The following LMTK2 variants were observed in gnomAD, a reference collection of about 807,000 sequenced individuals.
LMTK2 encodes serine/threonine-protein kinase LMTK2.
A neutral mutation model predicts 127.5 loss-of-function variants in LMTK2; 37 were observed. The observed-to-expected ratio is 0.29, with a 90% CI of 0.22 to 0.38. LMTK2 has a LOEUF of 0.38. Among genes scored for constraint, LMTK2 ranks in the 10% least tolerant of loss-of-function variants. The pLI is 1.00. For missense variants in LMTK2, 1,694 were observed against 1,920.3 expected (o/e 0.88, Z 2.20); for synonymous variants, 819 against 810.1 (o/e 1.01, Z -0.19).
intron 7 of LMTK2, among the ~76,000 whole-genome samples, chr7:98,174,558 G>C (rs568121462): frequency 7.6e-4 from 116 of 152,310 alleles, no homozygotes; most frequent in African/African-American, 2.5e-3. Flanking sequence ...CAGCCTGTCC[G>C]TGAGATGCCA....
At position 98,140,144 on chromosome 7, in the gene LMTK2, T is replaced by TTCG. The variant is rs1562902725; in HGVS notation, c.232-1252_232-1251insCGT. Among the ~76,000 whole-genome samples the TTCG allele has an allele frequency of 3.2e-3, 195 of 60,668 alleles. 25 individuals carry two copies. Among genetic ancestry groups the TTCG allele is most frequent in the East Asian group, 0.019 (15 of 798 alleles). 39.8% of individuals were successfully genotyped at this position (60,668 alleles called of 152,430 possible). Reference sequence around the variant, plus strand: ...TTTCTTTCTTTCTTTCTTTCTTTCTTTTCTTTTCTTTTCTTTTCTTTTCTT... The same window carrying TTCG: ...TTTCTTTCTTTCTTTCTTTCTTTCTTTCGTTCTTTTCTTTTCTTTTCTTTTCTT... On this transcript the variant is annotated intron_variant, in intron 2 of 13. Transcript: ENST00000297293.
Position 98,195,391 on chromosome 7 carries a change from G to A in LMTK2, c.4107+819G>A, listed in dbSNP as rs934800108. On this transcript the variant is annotated intron_variant, in intron 11 of 13. Transcript: ENST00000297293. ...ACCTGTCCTCTTTCCCTGCTTTGGAGCAGGCAGCTTAGTGTGCACTGCTGA... is the reference window on the plus strand; with the variant it reads ...ACCTGTCCTCTTTCCCTGCTTTGGAACAGGCAGCTTAGTGTGCACTGCTGA... Among the ~76,000 whole-genome samples, 3 of 152,104 alleles carry A rather than the reference G, an allele frequency of 2.0e-5. No homozygotes were observed. The East Asian group carries it at 5.8e-4, about 29-fold the overall frequency.
Position 98,194,575 on chromosome 7 carries a change from A to G in LMTK2, c.4107+3A>G, listed in dbSNP as rs1405503974. 1.3e-6 allele frequency: 2 copies of G among 1,598,326 alleles called. No homozygotes were observed. Among genetic ancestry groups the G allele is most frequent in the Non-Finnish European group, 1.7e-6 (2 of 1,177,050 alleles). On this transcript the variant is annotated splice_donor_region_variant and intron_variant, in intron 11 of 13. Coordinates refer to ENST00000297293, the MANE Select transcript of LMTK2 (RefSeq NM_014916.4). The surrounding 1 kb of genome is among the most constrained non-coding windows in gnomAD (Gnocchi z 5.4). ...TCACAGTCTACCTGTTTGACCAGGT[A>G]TCTGTTCCCTCTAAATCATTTTCTA...
At chr7:98,159,498 G>A in intron 6 of LMTK2, 73 bp downstream of exon 6, 1 of 954,016 alleles carries the variant, frequency 1.0e-6, no homozygotes, top group Non-Finnish European at 1.7e-6. Flanking sequence ...AGATGGACAT[G>A]CTGGATGAGG....
intron 1 of LMTK2, among the ~76,000 whole-genome samples, chr7:98,119,681 CA>C (rs1468379954): frequency 6.6e-6 from 1 of 152,128 alleles, no homozygotes; most frequent in Admixed American, 6.5e-5. Context: ...CACCAGGCCT[CA>C]GCTCACTGCA....
At chr7:98,134,442 C>G (rs758046195) in intron 1 of LMTK2, among the ~76,000 whole-genome samples, 2 of 152,128 alleles carry the variant, frequency 1.3e-5, no homozygotes, top group Non-Finnish European at 2.9e-5. Context: ...AAACAGTGTA[C>G]GTGAAAGCGC....
intron 1 of LMTK2, 31 bp downstream of exon 1, chr7:98,107,311 C>T (rs1796124174): frequency 5.1e-6 from 5 of 986,906 alleles, no homozygotes; most frequent in African/African-American, 2.1e-5. Context: ...GACGGGGCTG[C>T]GGGGTCTTCG....
intron 2 of LMTK2, among the ~76,000 whole-genome samples, chr7:98,138,708 G>T (rs1796632632): frequency 6.6e-6 from 1 of 152,194 alleles, no homozygotes; most frequent in Admixed American, 6.5e-5. Context: ...TCAGGACAAA[G>T]ATAAAGCCTG....
chr7:98,124,750 A>AT (rs1464780904), intron 1 of LMTK2, among the ~76,000 whole-genome samples: 2 of 151,982 alleles, frequency 1.3e-5, no homozygotes, highest in Non-Finnish European at 2.9e-5. Flanking sequence ...TATACCACTG[A>AT]TTCCAGCCGA....
chr7:98,151,977 G>C (rs571694645), intron 4 of LMTK2, among the ~76,000 whole-genome samples: 2 of 151,932 alleles, frequency 1.3e-5, no homozygotes, highest in East Asian at 3.9e-4. Context: ...CATAACAAAG[G>C]CCTTTAAAAA....
rs1368087261 is a variant in LMTK2, at chr7:98,117,849, C to T, written c.103+10569C>T. On this transcript the variant is annotated intron_variant, in intron 1 of 13. Transcript: ENST00000297293. Reference sequence around the variant, plus strand: ...AGGTGTGGTGGTGTGCGCCTGTAATCCCAGCTACTCGGGAGGTTGAGGCAG... The same window carrying T: ...AGGTGTGGTGGTGTGCGCCTGTAATTCCAGCTACTCGGGAGGTTGAGGCAG... 3.9e-5 allele frequency among the ~76,000 whole-genome samples: 6 copies of T among 152,218 alleles called. No individual in the cohort carries two copies. In the East Asian group the frequency reaches 1.2e-3, roughly 29 times the overall value.
intron 5 of LMTK2, 142 bp downstream of exon 5, chr7:98,155,018 G>T: frequency 1.7e-6 from 1 of 575,924 alleles, no homozygotes. Context: ...AAATGTCCAG[G>T]CGTCATCTGA....
intron 5 of LMTK2, 71 bp from the exon 6 acceptor site, chr7:98,159,267 T>C: frequency 2.2e-6 from 2 of 911,050 alleles, no homozygotes; most frequent in South Asian, 3.5e-5. Context: ...ATTTTATTAG[T>C]ATGCTTTTGT....
In LMTK2 at chr7:98,193,027, C is replaced by T; in HGVS notation, c.2562C>T (p.Leu854=). Residue 854 remains leucine, a synonymous_variant, in exon 11 of 14, where the codon CTC becomes CTT. Transcript: ENST00000297293. This position sits in a 1 kb window ranked among gnomAD's most constrained non-coding sequence, Gnocchi z 4.1. The part of the protein sequence containing the change: ...CLDVIVPEDC[L]HQDISPDAVT... The stretch of plus-strand genomic sequence containing the variant: ...ATGTTATTGTCCCGGAGGACTGTCT[C>T]CACCAGGACATCAGTCCAGACGCTG... 2 of 1,613,982 alleles carry T rather than the reference C, an allele frequency of 1.2e-6. No individual in the cohort carries two copies. The highest frequency in any genetic ancestry group is 1.7e-6 in the Non-Finnish European group (2 of 1,180,002).
intron 2 of LMTK2, among the ~76,000 whole-genome samples, chr7:98,139,357 C>G (rs1796644749): frequency 1.3e-5 from 2 of 152,188 alleles, no homozygotes; most frequent in Non-Finnish European, 2.9e-5. Context: ...TCAAGTGATC[C>G]TCCCGCCTCT....
chr7:98,126,350 G>A (rs1019041266), intron 1 of LMTK2, among the ~76,000 whole-genome samples: 1 of 152,200 alleles, frequency 6.6e-6, no homozygotes, highest in Non-Finnish European at 1.5e-5. Flanking sequence ...GGATGGTTGT[G>A]GGGTTGAGCC....
At chr7:98,127,789 G>A (rs10261777) in intron 1 of LMTK2, among the ~76,000 whole-genome samples, 18,327 of 152,216 alleles carry the variant, frequency 0.12, 1,700 homozygotes, top group African/African-American at 0.25. Flanking sequence ...CACTTTGTAT[G>A]CCTGTATCAG....
intron 4 of LMTK2, 102 bp downstream of exon 4, chr7:98,151,557 G>A (rs1383157941): frequency 7.8e-6 from 7 of 900,710 alleles, no homozygotes; most frequent in Non-Finnish European, 1.2e-5. Context: ...GTGCCCTGTG[G>A]GCCCTGCGTT....
At position 98,182,672 on chromosome 7, in the gene LMTK2, G is replaced by C. The variant is rs557694183; in HGVS notation, c.792-2379G>C. ...GTATAGTCACAGTGGGAAGCAGTATGGTGGCTCCTCATAAATATTGAAAAT... is the reference window on the plus strand; with the variant it reads ...GTATAGTCACAGTGGGAAGCAGTATCGTGGCTCCTCATAAATATTGAAAAT... On this transcript the variant is annotated intron_variant, in intron 7 of 13. Coordinates refer to ENST00000297293, the MANE Select transcript of LMTK2 (RefSeq NM_014916.4). 3.9e-5 allele frequency among the ~76,000 whole-genome samples: 6 copies of C among 152,300 alleles called. No homozygotes were observed. The East Asian group carries it at 1.2e-3, about 29-fold the overall frequency.
Sources: gnomAD v4.1 joint callset for allele counts (sites outside exome capture counted in the v4.1 genomes callset) on GRCh38, gnomAD v4.1.1 for gene constraint, Gnocchi (gnomAD v3.1) non-coding constraint, MANE v1.5 for transcripts, NCBI Gene and HGNC (gene_info 2026-07-23, HGNC 2026-07-21) for gene names.